SH2D3C: variants seen among roughly 807,000 people sequenced by gnomAD.
SH2D3C encodes the protein SH2 domain-containing protein 3C.
A neutral mutation model predicts 75.2 loss-of-function variants in SH2D3C; 25 were observed. The ratio of observed to expected loss-of-function variants is 0.33; its 90% CI spans 0.24 to 0.46. The LOEUF (loss-of-function observed/expected upper bound fraction) is 0.46, where lower values mean the gene tolerates loss of function less well. SH2D3C is among the 20% of genes least tolerant of loss of function. The pLI is 1.00. For missense variants in SH2D3C, 933 were observed against 1,165.3 expected (o/e 0.80, Z 2.90); for synonymous variants, 450 against 473.7 (o/e 0.95, Z 0.65).
chr9:127,771,425 A>G (rs1845737806), intron 2 of SH2D3C: 1 of 1,260,812 alleles, frequency 7.9e-7, no homozygotes, highest in Admixed American at 4.0e-5. Flanking sequence ...GCAGGGAAGG[A>G]CGCTCTCCGC....
chr9:127,765,901 T>C (rs1032931652), intron 2 of SH2D3C, among the ~76,000 whole-genome samples: 2 of 152,260 alleles, frequency 1.3e-5, no homozygotes, highest in Admixed American at 1.3e-4. Context: ...ATCAGTCCCA[T>C]TAATCATCAG....
Position 127,751,080 on chromosome 9 carries a change from G to A in SH2D3C, c.684+92C>T, listed in dbSNP as rs1845187726. 7.8e-7 allele frequency: 1 copy of A among 1,284,316 alleles called. No homozygotes were observed. The highest frequency in any genetic ancestry group is 1.1e-6 in the Non-Finnish European group (1 of 899,036). The allele number at this position is 1,284,316 out of a possible 1,614,324, so 79.6% of individuals were successfully genotyped here. ...ATTGAATCCACCAAGCAACAGGTCAGAGCCTCCCAGGTGGCTGCAGCCAGG... is the reference window on the plus strand; with the variant it reads ...ATTGAATCCACCAAGCAACAGGTCAAAGCCTCCCAGGTGGCTGCAGCCAGG... On this transcript the variant is annotated intron_variant, in intron 4 of 11. Transcript: ENST00000314830. The surrounding 1 kb of genome is among the most constrained non-coding windows in gnomAD (Gnocchi z 4.1).
At position 127,739,707 on chromosome 9, in the gene SH2D3C, G is replaced by A. The variant is rs753272675; in HGVS notation, c.2382C>T (p.His794=). ...RTVAHHGGLY[H]TNAEVKLQGF... is the part of the protein sequence containing the mutation. ...CCTGCAGCTTGACTTCAGCATTGGTGTGGTACAGGCCTCCGTGGTGTGCCA... is the reference window on the plus strand; with the variant it reads ...CCTGCAGCTTGACTTCAGCATTGGTATGGTACAGGCCTCCGTGGTGTGCCA... Residue 794 remains histidine, a synonymous_variant, in exon 11 of 12, where the codon CAC becomes CAT. Transcript: ENST00000314830. The surrounding 1 kb of genome is among the most constrained non-coding windows in gnomAD (Gnocchi z 4.3). 2 of 1,610,200 alleles carry A rather than the reference G, an allele frequency of 1.2e-6. No individual in the cohort carries two copies. The highest frequency in any genetic ancestry group is 2.2e-5 in the South Asian group (2 of 90,862).
Position 127,754,894 on chromosome 9 carries a change from C to G in SH2D3C, c.556-3594G>C, listed in dbSNP as rs1314142284. ...GCCGCCGAACCCTCACCCCGCGGAG[C>G]GCCTGGGCGCCCAGAGGTGAGGCTG... On this transcript the variant is annotated intron_variant, in intron 3 of 11. Transcript: ENST00000314830. The surrounding 1 kb of genome is among the most constrained non-coding windows in gnomAD (Gnocchi z 4.4). The G allele has an allele frequency of 1.4e-5, 7 of 509,740 alleles. No homozygotes were observed. The highest frequency in any genetic ancestry group is 1.5e-5 in the South Asian group (1 of 64,586). The allele number at this position is 509,740 out of a possible 1,614,324, so 31.6% of individuals were successfully genotyped here. A position where few individuals can be genotyped will look rare whatever the true frequency, so the allele number is the denominator to read the frequency against.
At chr9:127,765,121 G>A (rs372500726) in intron 2 of SH2D3C, among the ~76,000 whole-genome samples, 4 of 151,898 alleles carry the variant, frequency 2.6e-5, no homozygotes, top group African/African-American at 4.8e-5. Context: ...CGATCCTCCC[G>A]TCTCAGCCTC....
At position 127,766,825 on chromosome 9, in the gene SH2D3C, C is replaced by T. The variant is rs139829535; in HGVS notation, c.516-5175G>A. 2.0e-4 allele frequency: 226 copies of T among 1,113,570 alleles called. No homozygotes were observed. In the African/African-American group the frequency reaches 3.3e-3, roughly 16 times the overall value. 69.0% of individuals were successfully genotyped at this position (1,113,570 alleles called of 1,614,324 possible). A position where few individuals can be genotyped will look rare whatever the true frequency, so the allele number is the denominator to read the frequency against. ...CATCAGGTGATCCACCTGCCTTGGCCTCCCAAAGTGCTGGGGTTACAGGCG... is the reference window on the plus strand; with the variant it reads ...CATCAGGTGATCCACCTGCCTTGGCTTCCCAAAGTGCTGGGGTTACAGGCG... On this transcript the variant is annotated intron_variant, in intron 2 of 11. Transcript: ENST00000314830.
Position 127,749,474 on chromosome 9 carries a change from G to T in SH2D3C, c.876C>A (p.His292Gln). The T allele has an allele frequency of 6.2e-7, 1 of 1,614,190 alleles. No homozygotes were observed. Among genetic ancestry groups the T allele is most frequent in the Non-Finnish European group, 8.5e-7 (1 of 1,180,034 alleles). The change falls in exon 5 of 12, where the codon CAC becomes CAA. Residue 292 changes from histidine to glutamine, a missense_variant. His to Gln is a conservative substitution (Grantham distance 24). Coordinates refer to ENST00000314830, the MANE Select transcript of SH2D3C (RefSeq NM_170600.3). This position sits in a 1 kb window ranked among gnomAD's most constrained non-coding sequence, Gnocchi z 5.9. ...CATGATAGCGCACGAGGGCGGGCAC[G>T]TGGTCAAAGCTCTCCTGCTCAAACA... ...QYLFEQESFDHVPALVRYHVG... is the reference protein window; with the variant it reads ...QYLFEQESFDQVPALVRYHVG...
intron 2 of SH2D3C, chr9:127,771,347 TG>T (rs1347876524): frequency 2.2e-6 from 3 of 1,373,808 alleles, no homozygotes; most frequent in Non-Finnish European, 1.9e-6. Context: ...GAGACTGACC[TG>T]TAGACCACGC....
chr9:127,762,417 C>T (rs759738458), intron 2 of SH2D3C: 1 of 834,324 alleles, frequency 1.2e-6, no homozygotes, highest in South Asian at 1.4e-5. Context: ...CCTTGGATAT[C>T]TGAAGGCCAT....
At chr9:127,746,030 C>T (rs1426400272) in intron 6 of SH2D3C, among the ~76,000 whole-genome samples, 2 of 152,162 alleles carry the variant, frequency 1.3e-5, no homozygotes, top group African/African-American at 4.8e-5. Context: ...CAGAGAGGTG[C>T]ACTAACCTGC....
Position 127,741,955 on chromosome 9 carries a change from G to C in SH2D3C, c.1921C>G (p.His641Asp). The change falls in exon 9 of 12, where the codon CAC becomes GAC. Residue 641 changes from histidine to aspartate, a missense_variant. By Grantham distance (81) the His-to-Asp change is moderately conservative. Coordinates refer to ENST00000314830, the MANE Select transcript of SH2D3C (RefSeq NM_170600.3). Reference sequence around the variant, plus strand: ...ACGGCCAGCATGATGGACATGGTGTGGAACCTGTCAGAGCGGCGGGGTCAG... The same window carrying C: ...ACGGCCAGCATGATGGACATGGTGTCGAACCTGTCAGAGCGGCGGGGTCAG... ...QLRLDLLERF[H>D]TMSIMLAVDI... 1 of 1,610,700 alleles carries C rather than the reference G, an allele frequency of 6.2e-7. No homozygotes were observed. Among genetic ancestry groups the C allele is most frequent in the Non-Finnish European group, 8.5e-7 (1 of 1,178,698 alleles).
At chr9:127,748,540 C>T (rs186008655) in intron 5 of SH2D3C, among the ~76,000 whole-genome samples, 7 of 152,326 alleles carry the variant, frequency 4.6e-5, no homozygotes, top group Admixed American at 6.5e-5. Flanking sequence ...CTCTAGCAAG[C>T]GGCTTCCCCC....
At chr9:127,767,393 T>C (rs1328240727) in intron 2 of SH2D3C, 4 of 1,247,880 alleles carry the variant, frequency 3.2e-6, no homozygotes, top group African/African-American at 1.5e-5. Context: ...ACCCAGGGCA[T>C]GCAGCTGCTC....
At chr9:127,750,884 G>A (rs1432832721) in intron 4 of SH2D3C, among the ~76,000 whole-genome samples, 1 of 152,160 alleles carries the variant, frequency 6.6e-6, no homozygotes, top group African/African-American at 2.4e-5. Flanking sequence ...AAGAACAAAG[G>A]CCAACATTCA....
In SH2D3C at chr9:127,771,392, C is replaced by T. The variant is rs936887155; in HGVS notation, c.515+2598G>A. 35 of 1,328,794 alleles carry T rather than the reference C, an allele frequency of 2.6e-5. No homozygotes were observed. In the South Asian group the frequency reaches 6.7e-4, roughly 26 times the overall value. 82.3% of individuals were successfully genotyped at this position (1,328,794 alleles called of 1,614,324 possible). Reference sequence around the variant, plus strand: ...ACGCCCCTGCGCTCCTTGCCCGGCCCCACTCCACCGCCTACTCCACCGGCA... The same window carrying T: ...ACGCCCCTGCGCTCCTTGCCCGGCCTCACTCCACCGCCTACTCCACCGGCA... On this transcript the variant is annotated intron_variant, in intron 2 of 11. Coordinates refer to ENST00000314830, the MANE Select transcript of SH2D3C (RefSeq NM_170600.3).
chr9:127,772,561 G>C (rs1197625281), intron 2 of SH2D3C, among the ~76,000 whole-genome samples: 1 of 151,632 alleles, frequency 6.6e-6, no homozygotes, highest in Non-Finnish European at 1.5e-5. Flanking sequence ...CGCCCGGCCA[G>C]CTGACTTTTT....
At chr9:127,776,328 G>C (rs1845809038) in intron 1 of SH2D3C, among the ~76,000 whole-genome samples, 1 of 152,000 alleles carries the variant, frequency 6.6e-6, no homozygotes, top group African/African-American at 2.4e-5. Flanking sequence ...TCATGTAGGG[G>C]GTTGGGGAGT....
At chr9:127,767,929 A>T (rs1845665309) in intron 2 of SH2D3C, among the ~76,000 whole-genome samples, 1 of 152,206 alleles carries the variant, frequency 6.6e-6, no homozygotes, top group South Asian at 2.1e-4. Context: ...ACGCAGGTCC[A>T]GCAGCCTGCA....
Position 127,744,224 on chromosome 9 carries a change from C to T in SH2D3C, c.1800+340G>A, listed in dbSNP as rs539812783. On this transcript the variant is annotated intron_variant, in intron 7 of 11. Transcript: ENST00000314830. ...TAGCTGGGATTACAGGCGCCCACCA[C>T]GACGCCTAGCTAATTTTTGTATTTT... 7.3e-4 allele frequency among the ~76,000 whole-genome samples: 111 copies of T among 152,004 alleles called. 1 individual carries two copies. Among genetic ancestry groups the T allele is most frequent in the Non-Finnish European group, 7.9e-4 (54 of 67,972 alleles).
Sources: allele counts gnomAD v4.1 joint callset (sites outside exome capture counted in the v4.1 genomes callset), GRCh38; gene constraint gnomAD v4.1.1; non-coding constraint Gnocchi (gnomAD v3.1); transcripts MANE v1.5; gene names NCBI Gene and HGNC (gene_info 2026-07-23, HGNC 2026-07-21).